The following LAS1L variants were observed in gnomAD, a reference collection of about 807,000 sequenced individuals.
LAS1L encodes ribosomal biogenesis protein LAS1L.
In LAS1L, 5 loss-of-function variants were observed where a neutral mutation model predicts 57.3. That is an observed-to-expected ratio of 0.09 (90% CI 0.05 to 0.18). The LOEUF (loss-of-function observed/expected upper bound fraction) is 0.18. Ranked by LOEUF, LAS1L falls within the 10% of genes least tolerant of loss-of-function variation. The pLI, the probability that LAS1L is intolerant of heterozygous loss-of-function variation, is 1.00. For synonymous variants in LAS1L, 245 were observed against 231.7 expected, an observed-to-expected ratio of 1.06 and a Z score of -0.52; for missense variants, 360 against 568.3, an observed-to-expected ratio of 0.63 and a Z score of 3.73.
intron 6 of LAS1L, 133 bp from the exon 7 acceptor site, chrX:65,528,502 C>T (rs746583727): frequency 8.8e-5 from 38 of 433,708 alleles, no homozygotes; most frequent in African/African-American, 8.5e-4. Flanking sequence ...AGGGGGGGGC[C>T]CACAACTCCC....
intron 1 of LAS1L, 43 bp from the exon 2 acceptor site, chrX:65,533,778 C>A (rs1198413475): frequency 8.4e-7 from 1 of 1,188,764 alleles, no homozygotes; most frequent in Non-Finnish European, 1.1e-6. Context: ...AGCCCTTACA[C>A]TGGTCCACCC....
intron 11 of LAS1L, chrX:65,521,496 C>T (rs1233488749): frequency 8.7e-6 from 1 of 115,562 alleles, no homozygotes; most frequent in African/African-American, 3.2e-5. Flanking sequence ...ATTCGAGAGT[C>T]AACAGGACAG....
chrX:65,531,430 A>G lies in LAS1L; in HGVS notation c.441T>C (p.Ile147=), dbSNP rs757752206. The G allele has an allele frequency of 1.7e-6, 2 of 1,196,457 alleles. No homozygotes were observed. Among genetic ancestry groups the G allele is most frequent in the South Asian group, 3.5e-5 (2 of 56,513 alleles). The change falls in exon 4 of 14, where the codon ATT becomes ATC. Residue 147 remains isoleucine (I), a synonymous_variant. Transcript: ENST00000374811. ...PLKCLAQEVN[I]PDWIVDLRHE... ...GGCGAAGGTCAACAATCCAATCCGG[A>G]ATATTTACCTGATTACAGGGGAGGG... is the stretch of plus-strand genomic sequence containing the variant.
chrX:65,531,923 A>G (rs1394641420), intron 3 of LAS1L, among the ~76,000 whole-genome samples: 2 of 112,519 alleles, frequency 1.8e-5, no homozygotes, highest in African/African-American at 6.5e-5. Flanking sequence ...TCTGTCTCAA[A>G]AAAAGAAAAG....
intron 4 of LAS1L, among the ~76,000 whole-genome samples, chrX:65,530,990 C>CA (rs1276940133): frequency 9.0e-6 from 1 of 110,729 alleles, no homozygotes; most frequent in Non-Finnish European, 1.9e-5. Context: ...TCAAAACAAA[C>CA]AAACAAACAA....
At chrX:65,532,901 T>C (rs1218884022) in intron 2 of LAS1L, among the ~76,000 whole-genome samples, 8 of 111,928 alleles carry the variant, frequency 7.1e-5, no homozygotes, top group African/African-American at 2.0e-4. Context: ...CAATGTAACA[T>C]ATTAGGCTAG....
chrX:65,528,151 G>A, intron 7 of LAS1L, 109 bp downstream of exon 7: 2 of 497,991 alleles, frequency 4.0e-6, no homozygotes, highest in Middle Eastern at 4.3e-4. Context: ...ATTATCCCTG[G>A]GATTTTGTAC....
intron 13 of LAS1L, 99 bp from the exon 14 acceptor site, chrX:65,513,000 C>T: frequency 1.2e-6 from 1 of 851,365 alleles, no homozygotes; most frequent in Non-Finnish European, 1.6e-6. Context: ...GATGGGCCCA[C>T]TCTCCTGCCT....
chrX:65,531,575 C>T, intron 3 of LAS1L, 137 bp from the exon 4 acceptor site: 1 of 449,528 alleles, frequency 2.2e-6, no homozygotes, highest in Non-Finnish European at 3.9e-6. Context: ...AAGAAGATTC[C>T]AATCACAGTG....
chrX:65,524,126 C>T lies in LAS1L; in HGVS notation c.1230G>A (p.Gly410=). ...ERMLSELPAL[G]ISGIRPTYIL... ...TGTAGGTAGGCCGGATCCCGCTGAT[C>T]CCCAAGGCTGGCAGTTCAGAGAGCA... Residue 410 remains glycine, a synonymous_variant, in exon 10 of 14, where the codon GGG becomes GGA. Transcript: ENST00000374811. The T allele has an allele frequency of 8.3e-7, 1 of 1,211,405 alleles. No homozygotes were observed. The highest frequency in any genetic ancestry group is 1.1e-6 in the Non-Finnish European group (1 of 895,239).
chrX:65,532,503 C>T (rs753300895), intron 3 of LAS1L, 58 bp downstream of exon 3: 3 of 865,352 alleles, frequency 3.5e-6, no homozygotes, highest in African/African-American at 2.0e-5. Flanking sequence ...TACCCCATGC[C>T]CCATTTGGTG....
intron 7 of LAS1L, 109 bp downstream of exon 7, chrX:65,528,151 G>T (rs1011549370): frequency 4.0e-6 from 2 of 497,940 alleles, no homozygotes; most frequent in African/African-American, 4.8e-5. Flanking sequence ...ATTATCCCTG[G>T]GATTTTGTAC....
Position 65,529,764 on chromosome X carries a change from T to G in LAS1L, c.629A>C (p.Asp210Ala), listed in dbSNP as rs928375827. 5 of 1,211,682 alleles carry G rather than the reference T, an allele frequency of 4.1e-6. No individual in the cohort carries two copies. Among genetic ancestry groups the G allele is most frequent in the Non-Finnish European group, 3.4e-6 (3 of 895,403 alleles). The change falls in exon 5 of 14, where the codon GAT becomes GCT. Residue 210 changes from aspartate (D) to alanine (A), a missense_variant. Physicochemically the swap from Asp to Ala is moderately radical, Grantham distance 126. Around this residue, in one of 7 missense-constraint regions of LAS1L, gnomAD observed 51 missense variants for 43.1 expected, o/e 1.18. Transcript: ENST00000374811. Reference protein sequence around the residue: ...EEFREGIEEEDQEEDKNIVVD... With the variant: ...EEFREGIEEEAQEEDKNIVVD... ...AACAATGTTCTTATCTTCCTCTTGA[T>G]CCTCTTCCTCTATCCCTTCCCTGAA...
Position 65,524,250 on chromosome X carries a change from A to C in LAS1L, c.1106T>G (p.Leu369Trp). The change falls in exon 10 of 14, where the codon TTG becomes TGG. Residue 369 changes from leucine (L) to tryptophan (W), a missense_variant. By Grantham distance (61) the Leu-to-Trp change is moderately conservative. This residue lies in a region of LAS1L where 81 missense variants were observed against 192.1 expected (regional missense o/e 0.42). Transcript: ENST00000374811. ...CGGCTTTGGCACCAGGACGTCATTC[A>C]AGTCCACGTTTTCTGGTTTGTAAGG... Reference protein sequence around the residue: ...TDPKSHKNVDLNDVLVPKPFS... With the variant: ...TDPKSHKNVDWNDVLVPKPFS... 1 of 1,208,191 alleles carries C rather than the reference A, an allele frequency of 8.3e-7. No individual in the cohort carries two copies. Among genetic ancestry groups the C allele is most frequent in the Non-Finnish European group, 1.1e-6 (1 of 893,268 alleles).
At chrX:65,518,596 C>T in intron 11 of LAS1L, 131 bp from the exon 12 acceptor site, 1 of 988,906 alleles carries the variant, frequency 1.0e-6, no homozygotes, top group Non-Finnish European at 1.3e-6. Context: ...GTAGAGCAGA[C>T]AGAACATAGA....
chrX:65,524,663 T>G, intron 8 of LAS1L, 49 bp from the exon 9 acceptor site: 1 of 519,891 alleles, frequency 1.9e-6, no homozygotes, highest in Non-Finnish European at 3.5e-6. Context: ...GCCCCTCCAA[T>G]TCTGCTGTTC....
At position 65,525,748 on chromosome X, in the gene LAS1L, C is replaced by CAAAAAAAAAAAAAAAAAAAAAA. The variant is rs772564998; in HGVS notation, c.957-699_957-698insTTTTTTTTTTTTTTTTTTTTTT. On this transcript the variant is annotated intron_variant, in intron 7 of 13. Coordinates refer to ENST00000374811, the MANE Select transcript of LAS1L (RefSeq NM_031206.7). ...AGGTCTTCACCAAGGTCTGATTTTTCAAAAAAAAAAAAAAAAAAAAGAAAG... is the reference window on the plus strand; with the variant it reads ...AGGTCTTCACCAAGGTCTGATTTTTCAAAAAAAAAAAAAAAAAAAAAAAAAAAAAAAAAAAAAAAAAAGAAAG... Among the ~76,000 whole-genome samples, 65 of 38,212 alleles carry CAAAAAAAAAAAAAAAAAAAAAA rather than the reference C, an allele frequency of 1.7e-3. 5 individuals are homozygous for CAAAAAAAAAAAAAAAAAAAAAA. Among genetic ancestry groups the CAAAAAAAAAAAAAAAAAAAAAA allele is most frequent in the African/African-American group, 6.0e-3 (52 of 8,704 alleles). The allele number at this position is 38,212 out of a possible 115,157, so 33.2% of individuals were successfully genotyped here.
At chrX:65,520,396 C>T (rs1008465672) in intron 11 of LAS1L, 6 of 720,626 alleles carry the variant, frequency 8.3e-6, no homozygotes, top group Non-Finnish European at 9.8e-6. Flanking sequence ...TGAAGTTAAC[C>T]TCTACAAAAA....
chrX:65,521,158 C>T (rs2068833637), intron 11 of LAS1L: 1 of 752,326 alleles, frequency 1.3e-6, no homozygotes, highest in African/African-American at 2.3e-5. Context: ...CTCTGTGTCC[C>T]AAATGCCATC....
Sources: gnomAD v4.1 joint callset for allele counts (sites outside exome capture counted in the v4.1 genomes callset) on GRCh38, gnomAD v4.1.1 for gene constraint, gnomAD v4.1.1 regional missense constraint, MANE v1.5 for transcripts, NCBI Gene and HGNC (gene_info 2026-07-23, HGNC 2026-07-21) for gene names.